SOX5: variants seen among roughly 807,000 people sequenced by gnomAD.
SOX5 encodes SRY-box transcription factor 5.
Under a neutral mutation model 92.0 loss-of-function variants are expected in SOX5, and 9 were observed. The observed-to-expected ratio is 0.10, with a 90% CI of 0.06 to 0.17. SOX5 has a LOEUF of 0.17. Among genes scored for constraint, SOX5 ranks in the 10% least tolerant of loss-of-function variants. SOX5 has a pLI of 1.00. For missense variants in SOX5, 642 were observed against 944.5 expected, an observed-to-expected ratio of 0.68 and a Z score of 4.20; for synonymous variants, 344 against 336.3, an observed-to-expected ratio of 1.02 and a Z score of -0.25.
chr12:23,805,331 G>GAT (rs1280815457), intron 3 of SOX5, among the ~76,000 whole-genome samples: 2 of 151,544 alleles, frequency 1.3e-5, no homozygotes, highest in Non-Finnish European at 2.9e-5. Flanking sequence ...ATGTGTGTGT[G>GAT]ATATATATGA....
intron 5 of SOX5, among the ~76,000 whole-genome samples, chr12:23,739,867 T>C (rs1056802415): frequency 6.6e-6 from 1 of 152,212 alleles, no homozygotes; most frequent in East Asian, 1.9e-4. Flanking sequence ...TATTATCCTG[T>C]TTATATTTTT....
chr12:23,755,635 T>G lies in SOX5; in HGVS notation c.568+3A>C. The stretch of plus-strand genomic sequence containing the variant: ...TTGGATAAAAACAATCACACCATAT[T>G]ACCTTTTATTTCGCCAAAGTTCCCC... On this transcript the variant is annotated splice_donor_region_variant and intron_variant, in intron 4 of 14. Coordinates refer to ENST00000451604, the MANE Select transcript of SOX5 (RefSeq NM_006940.6). 2 of 1,581,294 alleles carry G rather than the reference T, an allele frequency of 1.3e-6. No individual in the cohort carries two copies. Among genetic ancestry groups the G allele is most frequent in the Non-Finnish European group, 1.7e-6 (2 of 1,161,416 alleles).
intron 6 of SOX5, among the ~76,000 whole-genome samples, chr12:23,708,997 T>C (rs1251231730): frequency 6.6e-6 from 1 of 152,112 alleles, no homozygotes; most frequent in African/African-American, 2.4e-5. Flanking sequence ...AGCTGGAAAA[T>C]TGTTGTATTG....
intron 1 of SOX5, among the ~76,000 whole-genome samples, chr12:24,536,465 AT>A (rs893285388): frequency 3.3e-4 from 50 of 151,636 alleles, no homozygotes; most frequent in East Asian, 2.3e-3. Context: ...AGCAACACAC[AT>A]TTTTTTTTAA....
chr12:23,956,616 T>C (rs991861675), intron 4 of SOX5, among the ~76,000 whole-genome samples: 1 of 152,122 alleles, frequency 6.6e-6, no homozygotes. Context: ...GCTAAAATGG[T>C]TGGGGACTGC....
At chr12:23,575,630 A>T in intron 10 of SOX5, 31 bp downstream of exon 10, 1 of 1,609,392 alleles carries the variant, frequency 6.2e-7, no homozygotes. Flanking sequence ...ATAAACAGAA[A>T]ATCAGCAAGA....
intron 1 of SOX5, among the ~76,000 whole-genome samples, chr12:24,441,672 A>G (rs1940617376): frequency 6.6e-6 from 1 of 152,252 alleles, no homozygotes. Flanking sequence ...GTGGGTAGTG[A>G]TATAAAAAGT....
chr12:23,937,616 A>G (rs907223881), intron 1 of SOX5, among the ~76,000 whole-genome samples: 8 of 150,952 alleles, frequency 5.3e-5, no homozygotes, highest in African/African-American at 1.9e-4. Flanking sequence ...TCTCATAACC[A>G]TCTGGGGTTC....
intron 7 of SOX5, among the ~76,000 whole-genome samples, chr12:23,655,050 C>A (rs373787414): frequency 6.6e-6 from 1 of 151,808 alleles, no homozygotes; most frequent in African/African-American, 2.4e-5. Context: ...TAATAGTTAC[C>A]TAGTTGGCTA....
At position 24,004,471 on chromosome 12, in the gene SOX5, C is replaced by T. The variant is rs868046848; in HGVS notation, c.-1-108447G>A. Among the ~76,000 whole-genome samples the T allele has an allele frequency of 9.2e-5, 14 of 151,988 alleles. No homozygotes were observed. The South Asian group carries it at 1.7e-3, about 18-fold the overall frequency. ...TCACTAGAGATATGAACAGACATTT[C>T]ATCAAAGAAGATGCACAAGGAATAG... On this transcript the variant is annotated intron_variant, in intron 4 of 4. Coordinates refer to the SOX5 transcript ENST00000446891.
At chr12:24,428,381 T>G (rs1966923412) in intron 1 of SOX5, among the ~76,000 whole-genome samples, 1 of 152,132 alleles carries the variant, frequency 6.6e-6, no homozygotes, top group Non-Finnish European at 1.5e-5. Context: ...AAATTCAATG[T>G]GCCAACTAGA....
At chr12:24,179,913 C>T (rs1237135214) in intron 4 of SOX5, among the ~76,000 whole-genome samples, 1 of 149,860 alleles carries the variant, frequency 6.7e-6, no homozygotes, top group East Asian at 2.0e-4. Flanking sequence ...GAGAGAAAGG[C>T]ATATTAGGCC....
intron 6 of SOX5, among the ~76,000 whole-genome samples, chr12:23,716,360 C>A (rs1286747132): frequency 6.6e-6 from 1 of 152,138 alleles, no homozygotes; most frequent in Non-Finnish European, 1.5e-5. Flanking sequence ...TTCTTATAAA[C>A]ACATGTCTTA....
intron 3 of SOX5, among the ~76,000 whole-genome samples, chr12:24,243,287 T>G (rs1937850290): frequency 6.6e-6 from 1 of 152,178 alleles, no homozygotes; most frequent in African/African-American, 2.4e-5. Flanking sequence ...AATTTCTCTA[T>G]TTCCAGTTTA....
At chr12:23,885,344 CT>C (rs1275934675) in intron 2 of SOX5, among the ~76,000 whole-genome samples, 1 of 152,178 alleles carries the variant, frequency 6.6e-6, no homozygotes, top group Non-Finnish European at 1.5e-5. Context: ...AGCTATACCC[CT>C]ATCATCTTTT....
intron 1 of SOX5, among the ~76,000 whole-genome samples, chr12:24,536,490 G>A (rs1272623705): frequency 6.6e-6 from 1 of 152,138 alleles, no homozygotes; most frequent in East Asian, 1.9e-4. Flanking sequence ...GGTCATTTGC[G>A]ATCAAACTGT....
rs76940950 is a variant in SOX5, at chr12:23,696,073, T to C, written c.811-30509A>G. Among the ~76,000 whole-genome samples, 177 of 151,882 alleles carry C rather than the reference T, an allele frequency of 1.2e-3. 1 individual carries two copies. Among genetic ancestry groups the C allele is most frequent in the African/African-American group, 4.1e-3 (168 of 41,422 alleles). ...CTTAGTTTGCTAACATTGTAAAAAA[T>C]TTTGCACCTATCTTTGTGAAGAATA... On this transcript the variant is annotated intron_variant, in intron 6 of 14. Coordinates refer to ENST00000451604, the MANE Select transcript of SOX5 (RefSeq NM_006940.6).
At chr12:24,473,273 C>T (rs1944995949) in intron 1 of SOX5, among the ~76,000 whole-genome samples, 1 of 152,120 alleles carries the variant, frequency 6.6e-6, no homozygotes, top group Admixed American at 6.6e-5. Context: ...AAAAAGCTCT[C>T]ATATGTAGTG....
intron 9 of SOX5, among the ~76,000 whole-genome samples, chr12:23,579,482 C>G (rs967748674): frequency 3.9e-5 from 6 of 152,210 alleles, no homozygotes; most frequent in Non-Finnish European, 5.9e-5. Flanking sequence ...TAATTTACTA[C>G]TGAGCTGCTA....
Sources: gnomAD v4.1 joint callset for allele counts (sites outside exome capture counted in the v4.1 genomes callset) on GRCh38, gnomAD v4.1.1 for gene constraint, MANE v1.5 for transcripts, NCBI Gene and HGNC (gene_info 2026-07-23, HGNC 2026-07-21) for gene names.